GBP7: variants seen among roughly 807,000 people sequenced by gnomAD.
GBP7 encodes guanylate binding protein 7.
GBP7 carries 43 observed loss-of-function variants against 61.3 expected under a neutral mutation model. The ratio of observed to expected loss-of-function variants is 0.70; its 90% CI spans 0.55 to 0.91. GBP7 has a LOEUF of 0.91. Ranked by LOEUF, GBP7 falls within the 40% of genes least tolerant of loss-of-function variation. The probability of loss-of-function intolerance (pLI) is 0.00; values close to 1 mark genes in which losing one functional copy is unlikely to be tolerated. For synonymous variants in GBP7, 267 were observed against 271.0 expected, an observed-to-expected ratio of 0.99 and a Z score of 0.14; for missense variants, 717 against 740.5, an observed-to-expected ratio of 0.97 and a Z score of 0.37.
chr1:89,152,859 C>T lies in GBP7; in HGVS notation c.319-82G>A, dbSNP rs562122212. The T allele has an allele frequency of 4.2e-5, 46 of 1,092,116 alleles. 1 individual carries two copies. The South Asian group carries it at 8.6e-4, about 20-fold the overall frequency. 67.7% of individuals were successfully genotyped at this position (1,092,116 alleles called of 1,614,324 possible). Reference sequence around the variant, plus strand: ...GGTCAACTACTTGTATCCATGTAACCAAAACTGAAGTCATTCCAGTTTTCC... The same window carrying T: ...GGTCAACTACTTGTATCCATGTAACTAAAACTGAAGTCATTCCAGTTTTCC... On this transcript the variant is annotated intron_variant, in intron 3 of 10. Coordinates refer to ENST00000294671, the MANE Select transcript of GBP7 (RefSeq NM_207398.3).
intron 9 of GBP7, among the ~76,000 whole-genome samples, chr1:89,135,792 G>A (rs115873437): frequency 0.019 from 2,951 of 151,966 alleles, 89 homozygotes; most frequent in African/African-American, 0.067. Flanking sequence ...AATCAAGTGT[G>A]GATCAAATCC....
chr1:89,147,246 C>T lies in GBP7; in HGVS notation c.1365+321G>A, dbSNP rs568934631. On this transcript the variant is annotated intron_variant, in intron 8 of 10. Coordinates refer to ENST00000294671, the MANE Select transcript of GBP7 (RefSeq NM_207398.3). ...TTAATTTGTCCATCTTGTGTAAAAT[C>T]GTAAGATTCTGAAAACAAAGTTTTT... Among the ~76,000 whole-genome samples the T allele has an allele frequency of 4.6e-5, 7 of 152,216 alleles. No homozygotes were observed. In the East Asian group the frequency reaches 1.4e-3, roughly 29 times the overall value.
chr1:89,168,072 A>C (rs532662545), intron 2 of GBP7, among the ~76,000 whole-genome samples: 1 of 152,326 alleles, frequency 6.6e-6, no homozygotes, highest in East Asian at 1.9e-4. Flanking sequence ...ATGAACTTTC[A>C]AGAACTGCAC....
chr1:89,140,551 G>A (rs761312687), intron 9 of GBP7, among the ~76,000 whole-genome samples: 13 of 151,316 alleles, frequency 8.6e-5, no homozygotes, highest in Non-Finnish European at 1.6e-4. Context: ...AAAAATAACA[G>A]ATGCTGGCAA....
chr1:89,172,289 T>C (rs1012291848), intron 1 of GBP7, among the ~76,000 whole-genome samples: 3 of 152,194 alleles, frequency 2.0e-5, no homozygotes, highest in Non-Finnish European at 2.9e-5. Flanking sequence ...TAATCTACAC[T>C]CCTTATTCAC....
intron 8 of GBP7, among the ~76,000 whole-genome samples, chr1:89,147,313 C>T (rs868774011): frequency 6.6e-6 from 1 of 152,154 alleles, no homozygotes; most frequent in Non-Finnish European, 1.5e-5. Context: ...AAAACTATCA[C>T]ATTATTTGAT....
chr1:89,154,699 C>CAAACT (rs1230666907), intron 3 of GBP7, among the ~76,000 whole-genome samples: 3 of 149,808 alleles, frequency 2.0e-5, no homozygotes, highest in Admixed American at 2.0e-4. Flanking sequence ...GGCTTACCCC[C>CAAACT]AAACTAAATA....
At chr1:89,148,524 G>A (rs1382237189) in intron 7 of GBP7, among the ~76,000 whole-genome samples, 1 of 152,214 alleles carries the variant, frequency 6.6e-6, no homozygotes, top group Non-Finnish European at 1.5e-5. Flanking sequence ...ACTCAAGAAA[G>A]TATTTAAGAA....
Position 89,133,365 on chromosome 1 carries a change from G to C in GBP7, c.1555C>G (p.Gln519Glu), listed in dbSNP as rs749831850. 1.7e-5 allele frequency: 28 copies of C among 1,613,850 alleles called. 1 individual carries two copies. The South Asian group carries it at 3.1e-4, about 18-fold the overall frequency. The change falls in exon 10 of 11, where the codon CAA becomes GAA. Residue 519 changes from glutamine (Q) to glutamate (E), a missense_variant. Transcript: ENST00000294671. ...ATGTTTTCCTGGAAACTTCTCTCTTGAGCCTCCATCATTTGCTGCTGTTCC... is the reference window on the plus strand; with the variant it reads ...ATGTTTTCCTGGAAACTTCTCTCTTCAGCCTCCATCATTTGCTGCTGTTCC... ...QKEQQQMMEAQERSFQENIAQ... is the reference protein window; with the variant it reads ...QKEQQQMMEAEERSFQENIAQ...
chr1:89,158,449 A>G (rs1682364756), intron 3 of GBP7, among the ~76,000 whole-genome samples: 1 of 152,224 alleles, frequency 6.6e-6, no homozygotes, highest in African/African-American at 2.4e-5. Context: ...ATGATTGTAT[A>G]TCTAGAAAAC....
chr1:89,156,604 CAAAG>C (rs1197037615), intron 3 of GBP7, among the ~76,000 whole-genome samples: 11 of 152,112 alleles, frequency 7.2e-5, no homozygotes, highest in African/African-American at 2.7e-4. Context: ...CTGAAAGAGA[CAAAG>C]AAGGCCATTA....
At chr1:89,156,756 T>C (rs1173517740) in intron 3 of GBP7, among the ~76,000 whole-genome samples, 1 of 152,188 alleles carries the variant, frequency 6.6e-6, no homozygotes, top group African/African-American at 2.4e-5. Flanking sequence ...ACAATACTAA[T>C]GGGAGACTTT....
chr1:89,147,059 T>C (rs1169155298), intron 8 of GBP7, among the ~76,000 whole-genome samples: 1 of 152,198 alleles, frequency 6.6e-6, no homozygotes, highest in Non-Finnish European at 1.5e-5. Context: ...TTTACATTAT[T>C]AGAATGAAAT....
intron 5 of GBP7, 124 bp from the exon 6 acceptor site, chr1:89,150,699 A>C: frequency 1.0e-6 from 1 of 983,070 alleles, no homozygotes; most frequent in Non-Finnish European, 1.5e-6. Context: ...TACTCTATGT[A>C]ATCAAACCTC....
chr1:89,156,176 C>T (rs1682311873), intron 3 of GBP7, among the ~76,000 whole-genome samples: 1 of 152,180 alleles, frequency 6.6e-6, no homozygotes, highest in Non-Finnish European at 1.5e-5. Flanking sequence ...CACCACCAGG[C>T]CTGCCTTACA....
chr1:89,134,624 A>C (rs4655902), intron 9 of GBP7, among the ~76,000 whole-genome samples: 1 of 149,816 alleles, frequency 6.7e-6, no homozygotes, highest in East Asian at 2.0e-4. Context: ...AAAAAAACCC[A>C]GTCAGATGAA....
intron 8 of GBP7, among the ~76,000 whole-genome samples, chr1:89,146,956 T>A (rs187032609): frequency 6.6e-6 from 1 of 152,302 alleles, no homozygotes; most frequent in East Asian, 1.9e-4. Context: ...GCCCATCAGC[T>A]CCACCACTTG....
At chr1:89,165,477 G>A (rs1375175392) in intron 2 of GBP7, among the ~76,000 whole-genome samples, 2 of 149,452 alleles carry the variant, frequency 1.3e-5, no homozygotes, top group Admixed American at 6.7e-5. Context: ...ACTCCAGCCT[G>A]GTGACAGAGT....
chr1:89,149,626 T>C (rs913597681), intron 6 of GBP7, 54 bp from the exon 7 acceptor site: 2 of 1,465,744 alleles, frequency 1.4e-6, no homozygotes, highest in Non-Finnish European at 1.9e-6. Context: ...CTCATTGTTT[T>C]ACGAGTGGTA....
Sources: gnomAD v4.1 joint callset for allele counts (sites outside exome capture counted in the v4.1 genomes callset) on GRCh38, gnomAD v4.1.1 for gene constraint, MANE v1.5 for transcripts, NCBI Gene and HGNC (gene_info 2026-07-23, HGNC 2026-07-21) for gene names.